PLN: variants seen among roughly 807,000 people sequenced by gnomAD.
PLN encodes the protein phospholamban.
A neutral mutation model predicts 3.9 loss-of-function variants in PLN; 1 was observed. That is an observed-to-expected ratio of 0.26 (90% CI 0.09 to 1.23). The LOEUF (loss-of-function observed/expected upper bound fraction) is 1.23. PLN is among the 50% of genes most tolerant of loss of function. PLN has a pLI of 0.48. For synonymous variants in PLN, 21 were observed against 20.5 expected (o/e 1.02, Z -0.07); for missense variants, 59 against 62.7 (o/e 0.94, Z 0.20).
At position 118,550,725 on chromosome 6, in the gene PLN, G is replaced by C. The variant is rs146619427; in HGVS notation, c.-98+2333G>C. Among the ~76,000 whole-genome samples, 513 of 151,878 alleles carry C rather than the reference G, an allele frequency of 3.4e-3. 4 individuals carry two copies. Among genetic ancestry groups the C allele is most frequent in the African/African-American group, 0.012 (496 of 41,500 alleles). ...ATGGCTTAAAGTAAACCATGACACT[G>C]ACAAACAAAATTTGAAAGCCCCCAA... is the stretch of plus-strand genomic sequence containing the variant. On this transcript the variant is annotated intron_variant, in intron 1 of 1. Transcript: ENST00000357525.
rs1403627558 is a variant in PLN at position 118,561,436 on chromosome 6, T to C, written c.*2356T>C. On this transcript the variant is annotated 3_prime_UTR_variant, in exon 2 of 2. Transcript: ENST00000357525. The stretch of plus-strand genomic sequence containing the variant: ...TTATTCTGTGAGGATTACAGAATAC[T>C]ATAACTCAAATTATAAAGTAGAATA... Among the ~76,000 whole-genome samples the C allele has an allele frequency of 6.6e-6, 1 of 152,166 alleles. No individual in the cohort carries two copies.
rs757797900 is a variant in PLN at position 118,559,069 on chromosome 6, A to C, written c.148A>C (p.Met50Leu). ...TCTCTTGCTGATCTGTATCATCGTG[A>C]TGCTTCTCTGAAGTTCTGCTACAAC... ...ICLLLICIIV[M>L]LL is the part of the protein sequence containing the mutation. The change falls in exon 2 of 2, where the codon ATG becomes CTG. Residue 50 changes from methionine (M) to leucine (L), a missense_variant. Transcript: ENST00000357525. 4 of 1,611,742 alleles carry C rather than the reference A, an allele frequency of 2.5e-6. No individual in the cohort carries two copies. The South Asian group carries it at 4.4e-5, about 18-fold the overall frequency.
chr6:118,552,605 T>C (rs1311342387), intron 1 of PLN, among the ~76,000 whole-genome samples: 1 of 152,032 alleles, frequency 6.6e-6, no homozygotes, highest in African/African-American at 2.4e-5. Context: ...CCTAATGGCT[T>C]TTCTATTTCC....
At chr6:118,558,646 CACACACACACACACAGAGAG>C (rs1372679539) in intron 1 of PLN, among the ~76,000 whole-genome samples, 159 bp from the exon 2 acceptor site, 3 of 143,332 alleles carry the variant, frequency 2.1e-5, no homozygotes, top group African/African-American at 8.1e-5. Flanking sequence ...CACACACACA[CACACACACACACACAGAGAG>C]AGAGAGAGAG....
At chr6:118,556,131 G>A (rs1007366762) in intron 1 of PLN, among the ~76,000 whole-genome samples, 2 of 152,034 alleles carry the variant, frequency 1.3e-5, no homozygotes, top group Non-Finnish European at 1.5e-5. Flanking sequence ...ATGTCTTTAC[G>A]GCAGAAAGAT....
intron 1 of PLN, among the ~76,000 whole-genome samples, chr6:118,555,726 CTTG>C (rs1214483931): frequency 6.6e-6 from 1 of 152,054 alleles, no homozygotes; most frequent in Non-Finnish European, 1.5e-5. Context: ...TCATGGGGAG[CTTG>C]TTGTATGTAT....
At chr6:118,558,685 AGAGGG>A in intron 1 of PLN, 135 bp from the exon 2 acceptor site, 1 of 520,172 alleles carries the variant, frequency 1.9e-6, no homozygotes, top group African/African-American at 1.9e-5. Flanking sequence ...AGAGAGAGAG[AGAGGG>A]AGAGAGACTA....
At chr6:118,554,241 T>C (rs1463967738) in intron 1 of PLN, among the ~76,000 whole-genome samples, 1 of 152,104 alleles carries the variant, frequency 6.6e-6, no homozygotes, top group Non-Finnish European at 1.5e-5. Context: ...GAGCCACGAT[T>C]GCACAACTGC....
chr6:118,550,223 A>G (rs983636265), intron 1 of PLN, among the ~76,000 whole-genome samples: 1 of 151,950 alleles, frequency 6.6e-6, no homozygotes, highest in African/African-American at 2.4e-5. Flanking sequence ...TAGTAGGCAT[A>G]AAGGAAAATG....
Position 118,558,859 on chromosome 6 carries a change from C to A in PLN, c.-63C>A. On this transcript the variant is annotated 5_prime_UTR_variant, in exon 2 of 2. In the 5' UTR this introduces an upstream ATG that the reference lacks. Transcript: ENST00000357525. ...AAGAAGACAGTTATCTCATATTTGGCTGCCAGCTTTTTATCTTTCTCTCGA... is the reference window on the plus strand; with the variant it reads ...AAGAAGACAGTTATCTCATATTTGGATGCCAGCTTTTTATCTTTCTCTCGA... 3.3e-6 allele frequency: 4 copies of A among 1,220,704 alleles called. No individual in the cohort carries two copies. The highest frequency in any genetic ancestry group is 3.6e-6 in the Non-Finnish European group (3 of 823,970). The allele number at this position is 1,220,704 out of a possible 1,614,324, so 75.6% of individuals were successfully genotyped here.
chr6:118,556,808 T>C (rs1010478120), intron 1 of PLN, among the ~76,000 whole-genome samples: 2 of 152,238 alleles, frequency 1.3e-5, no homozygotes, highest in Admixed American at 6.5e-5. Flanking sequence ...GACACATAAG[T>C]ATACTGATTG....
intron 1 of PLN, among the ~76,000 whole-genome samples, chr6:118,557,130 A>G (rs1187986892): frequency 6.6e-6 from 1 of 152,228 alleles, no homozygotes; most frequent in Non-Finnish European, 1.5e-5. Context: ...TACTTAAGAT[A>G]ACATTCTATA....
rs77980946 is a variant in PLN, at chr6:118,549,774, C to T, written c.-98+1382C>T. Among the ~76,000 whole-genome samples the T allele has an allele frequency of 2.6e-3, 396 of 151,802 alleles. 1 individual carries two copies. The highest frequency in any genetic ancestry group is 9.1e-3 in the African/African-American group (379 of 41,488). ...TCTCACACTTCAAATTGGGTGTTCACGAGTTATTTTATTGTATCAGAATTT... is the reference window on the plus strand; with the variant it reads ...TCTCACACTTCAAATTGGGTGTTCATGAGTTATTTTATTGTATCAGAATTT... On this transcript the variant is annotated intron_variant, in intron 1 of 1. Transcript: ENST00000357525.
At chr6:118,558,658 CACAGAGAG>C (rs1453084572) in intron 1 of PLN, among the ~76,000 whole-genome samples, 159 bp from the exon 2 acceptor site, 47 of 124,982 alleles carry the variant, frequency 3.8e-4, no homozygotes, top group South Asian at 3.1e-3. Context: ...CACACACACA[CACAGAGAG>C]AGAGAGAGAG....
At chr6:118,558,346 T>C (rs1175914440) in intron 1 of PLN, among the ~76,000 whole-genome samples, 3 of 152,146 alleles carry the variant, frequency 2.0e-5, no homozygotes, top group Non-Finnish European at 4.4e-5. Context: ...ATTGAGAAGT[T>C]TGGTGATGTT....
Position 118,559,192 on chromosome 6 carries a change from T to A in PLN, c.*112T>A. The A allele has an allele frequency of 1.2e-6, 1 of 841,116 alleles. No homozygotes were observed. The highest frequency in any genetic ancestry group is 1.3e-5 in the South Asian group (1 of 74,500). The allele number at this position is 841,116 out of a possible 1,614,324, so 52.1% of individuals were successfully genotyped here. A position where few individuals can be genotyped will look rare whatever the true frequency, so the allele number is the denominator to read the frequency against. On this transcript the variant is annotated 3_prime_UTR_variant, in exon 2 of 2. Transcript: ENST00000357525. ...ACAGACCACTTCCTGAGTAGAAGAG[T>A]TTCTTTGTGAAAAGGTCAAGATTAA...
intron 1 of PLN, among the ~76,000 whole-genome samples, chr6:118,550,402 C>A (rs1778473386): frequency 6.6e-6 from 1 of 151,454 alleles, no homozygotes; most frequent in African/African-American, 2.4e-5. Context: ...ATTAAAAAAC[C>A]TAAAGTCTAG....
intron 1 of PLN, among the ~76,000 whole-genome samples, 165 bp from the exon 2 acceptor site, chr6:118,558,660 C>CAGAG (rs369698272): frequency 4.1e-4 from 50 of 122,308 alleles, no homozygotes; most frequent in African/African-American, 1.3e-3. Flanking sequence ...CACACACACA[C>CAGAG]AGAGAGAGAG....
chr6:118,552,167 T>G (rs1017616593), intron 1 of PLN, among the ~76,000 whole-genome samples: 1 of 151,990 alleles, frequency 6.6e-6, no homozygotes, highest in Admixed American at 6.6e-5. Context: ...AATAAAGTAT[T>G]TCTTCAGTAC....
Sources: allele counts gnomAD v4.1 joint callset (sites outside exome capture counted in the v4.1 genomes callset), GRCh38; gene constraint gnomAD v4.1.1; transcripts MANE v1.5; gene names NCBI Gene and HGNC (gene_info 2026-07-23, HGNC 2026-07-21).